Variants in SMG6 observed in about 807,000 individuals in gnomAD.
SMG6 encodes telomerase-binding protein EST1A.
Under a neutral mutation model 142.2 loss-of-function variants are expected in SMG6, and 66 were observed. The observed-to-expected ratio is 0.46, with a 90% confidence interval of 0.38 to 0.57. The LOEUF is 0.57. SMG6 is among the 20% of genes least tolerant of loss of function. The pLI is 0.00. For synonymous variants in SMG6, 779 were observed against 702.4 expected (o/e 1.11, Z -1.72); for missense variants, 1,793 against 1,832.0 (o/e 0.98, Z 0.39).
At chr17:2,086,914 C>T (rs906748928) in intron 13 of SMG6, among the ~76,000 whole-genome samples, 11 of 152,194 alleles carry the variant, frequency 7.2e-5, no homozygotes, top group Admixed American at 5.2e-4. Context: ...GGCCATTCCA[C>T]ATGGGAAACA....
chr17:2,284,962 AT>A (rs1482072178), intron 6 of SMG6, among the ~76,000 whole-genome samples: 9 of 152,142 alleles, frequency 5.9e-5, no homozygotes, highest in Non-Finnish European at 8.8e-5. Context: ...TCTATAAAAT[AT>A]TTTTTCATAT....
At chr17:2,209,660 AAT>A (rs2072790890) in intron 10 of SMG6, among the ~76,000 whole-genome samples, 1 of 151,790 alleles carries the variant, frequency 6.6e-6, no homozygotes, top group Non-Finnish European at 1.5e-5. Flanking sequence ...CACTGCACCC[AAT>A]CTAAATTTTT....
intron 11 of SMG6, among the ~76,000 whole-genome samples, chr17:2,188,127 C>T (rs1182631326): frequency 6.6e-6 from 1 of 152,164 alleles, no homozygotes; most frequent in East Asian, 1.9e-4. Flanking sequence ...CAGGAACATG[C>T]AGCAGCTCAT....
At chr17:2,285,076 C>T (rs2151382644) in intron 6 of SMG6, among the ~76,000 whole-genome samples, 1 of 152,228 alleles carries the variant, frequency 6.6e-6, no homozygotes, top group African/African-American at 2.4e-5. Context: ...GATAATGGTG[C>T]ATCTAACAAT....
chr17:2,247,393 T>C (rs932594669), intron 8 of SMG6, among the ~76,000 whole-genome samples: 5 of 152,222 alleles, frequency 3.3e-5, no homozygotes, highest in Non-Finnish European at 7.3e-5. Flanking sequence ...TTCCTATAGA[T>C]GTCAATCATA....
intron 13 of SMG6, among the ~76,000 whole-genome samples, chr17:2,144,193 G>A (rs987627139): frequency 1.3e-5 from 2 of 151,396 alleles, no homozygotes; most frequent in African/African-American, 4.9e-5. Context: ...AGAGTAGCTG[G>A]GATTACAGGT....
chr17:2,122,351 C>G (rs1200956132), intron 13 of SMG6: 1 of 152,112 alleles, frequency 6.6e-6, no homozygotes, highest in African/African-American at 2.4e-5. Context: ...TATCTGGAAG[C>G]AGTGGACCTA....
rs926316068 is a variant in SMG6, at chr17:2,300,757, CAAAA to C, written c.89-97_89-94del. The C allele has an allele frequency of 1.3e-5, 15 of 1,199,866 alleles. No individual in the cohort carries two copies. The South Asian group carries it at 1.3e-4, about 10-fold the overall frequency. The allele number at this position is 1,199,866 out of a possible 1,614,324, so 74.3% of individuals were successfully genotyped here. Reference sequence around the variant, plus strand: ...AAAGACTGTCATTCTGGTTAAGTAACAAAAAAAGTCGAGCAAGAATTACATATCC... The same window carrying C: ...AAAGACTGTCATTCTGGTTAAGTAACAAAGTCGAGCAAGAATTACATATCC... On this transcript the variant is annotated intron_variant, in intron 1 of 18. Coordinates refer to ENST00000263073, the MANE Select transcript of SMG6 (RefSeq NM_017575.5).
At chr17:2,170,353 C>A (rs988592654) in intron 13 of SMG6, among the ~76,000 whole-genome samples, 17 of 152,218 alleles carry the variant, frequency 1.1e-4, no homozygotes, top group African/African-American at 4.1e-4. Flanking sequence ...TAGGAAGAGT[C>A]TGAAGCTCGT....
At chr17:2,118,078 A>G (rs2069562614) in intron 13 of SMG6, among the ~76,000 whole-genome samples, 1 of 151,886 alleles carries the variant, frequency 6.6e-6, no homozygotes. Context: ...CCCCATTTCT[A>G]TAAAAAATTA....
At chr17:2,067,933 G>C (rs2067996271) in intron 16 of SMG6, among the ~76,000 whole-genome samples, 1 of 152,166 alleles carries the variant, frequency 6.6e-6, no homozygotes. Context: ...AGAAGACAAG[G>C]CTCTCAAACT....
intron 12 of SMG6, among the ~76,000 whole-genome samples, chr17:2,185,544 G>A (rs28505924): frequency 2.6e-5 from 4 of 151,406 alleles, no homozygotes; most frequent in Non-Finnish European, 5.9e-5. Context: ...ACTGATCTAC[G>A]TAAATACACC....
chr17:2,264,050 G>A (rs1234512341), intron 8 of SMG6, among the ~76,000 whole-genome samples: 4 of 152,198 alleles, frequency 2.6e-5, no homozygotes, highest in Admixed American at 1.3e-4. Flanking sequence ...ATAACAGGCA[G>A]TGTGTTACTA....
chr17:2,177,501 G>C (rs1056859318), intron 12 of SMG6, among the ~76,000 whole-genome samples: 2 of 152,154 alleles, frequency 1.3e-5, no homozygotes, highest in Non-Finnish European at 2.9e-5. Context: ...ATATTTTACT[G>C]GGGGAACAAG....
intron 10 of SMG6, among the ~76,000 whole-genome samples, chr17:2,198,245 T>C (rs916024672): frequency 6.6e-6 from 1 of 152,244 alleles, no homozygotes; most frequent in African/African-American, 2.4e-5. Flanking sequence ...CAAAAGGTTA[T>C]ATACTGTACA....
intron 13 of SMG6, among the ~76,000 whole-genome samples, chr17:2,128,840 A>G (rs2070000242): frequency 2.0e-5 from 3 of 150,190 alleles, no homozygotes; most frequent in African/African-American, 2.4e-5. Context: ...AAAAAGAGAG[A>G]GAGAGAAAGA....
At chr17:2,167,150 A>AAAC in intron 13 of SMG6, among the ~76,000 whole-genome samples, 1 of 146,092 alleles carries the variant, frequency 6.8e-6, no homozygotes, top group African/African-American at 2.6e-5. Flanking sequence ...AAAAAAAAAA[A>AAAC]AAAAAAGATA....
rs553819101 is a variant in SMG6 at position 2,155,056 on chromosome 17, T to A, written c.3357+17602A>T. On this transcript the variant is annotated intron_variant, in intron 13 of 18. Transcript: ENST00000263073. ...ACAAAGTATACTCTGAGAAAAAAAATTTTTTTTTTTTTTTGAGATGGAGTC... is the reference window on the plus strand; with the variant it reads ...ACAAAGTATACTCTGAGAAAAAAAAATTTTTTTTTTTTTTGAGATGGAGTC... Among the ~76,000 whole-genome samples the A allele has an allele frequency of 2.3e-3, 138 of 60,664 alleles. 1 individual carries two copies. The highest frequency in any genetic ancestry group is 7.4e-3 in the Admixed American group (48 of 6,492). The allele number at this position is 60,664 out of a possible 152,430, so 39.8% of individuals were successfully genotyped here.
chr17:2,188,494 C>T lies in SMG6; in HGVS notation c.2891G>A (p.Arg964His), dbSNP rs199692074. 52 of 1,613,856 alleles carry T rather than the reference C, an allele frequency of 3.2e-5. No homozygotes were observed. The highest frequency in any genetic ancestry group is 1.6e-4 in the Middle Eastern group (1 of 6,082). The stretch of plus-strand genomic sequence containing the variant: ...TGCGGCTTGTTCCTGGATCACAGAG[C>T]GGCACTCCTCCGAGAAGCAGTCTGC... ...QLKDCFSEEC[R>H]SVIQEQAAAL... is the part of the protein sequence containing the mutation. Residue 964 changes from arginine to histidine, a missense_variant, in exon 11 of 19, where the codon CGC becomes CAC. Coordinates refer to ENST00000263073, the MANE Select transcript of SMG6 (RefSeq NM_017575.5).
Sources: allele counts gnomAD v4.1 joint callset (sites outside exome capture counted in the v4.1 genomes callset), GRCh38; gene constraint gnomAD v4.1.1; transcripts MANE v1.5; gene names NCBI Gene and HGNC (gene_info 2026-07-23, HGNC 2026-07-21).